Variants in ACADL observed in about 807,000 individuals in gnomAD.
The protein encoded by ACADL is long-chain specific acyl-CoA dehydrogenase, mitochondrial.
Under a neutral mutation model 56.9 loss-of-function variants are expected in ACADL, and 60 were observed. The ratio of observed to expected loss-of-function variants is 1.05; its 90% CI spans 0.86 to 1.31. ACADL has a LOEUF of 1.31. Ranked by LOEUF, ACADL falls within the 50% of genes most tolerant of loss-of-function variation. The probability of loss-of-function intolerance (pLI) is 0.00; values close to 1 mark genes in which losing one functional copy is unlikely to be tolerated. For synonymous variants in ACADL, 158 were observed against 179.7 expected, an observed-to-expected ratio of 0.88 and a Z score of 0.97; for missense variants, 484 against 525.5, an observed-to-expected ratio of 0.92 and a Z score of 0.77.
At chr2:210,202,437 G>A (rs1280061435) in intron 8 of ACADL, among the ~76,000 whole-genome samples, 1 of 152,064 alleles carries the variant, frequency 6.6e-6, no homozygotes, top group Non-Finnish European at 1.5e-5. Flanking sequence ...AACTTTTGTA[G>A]TTTTCTACCA....
intron 2 of ACADL, among the ~76,000 whole-genome samples, 192 bp from the exon 3 acceptor site, chr2:210,218,294 T>TTC (rs1174038992): frequency 7.0e-5 from 10 of 143,096 alleles, no homozygotes; most frequent in African/African-American, 2.6e-4. Context: ...GCTTTTTTTT[T>TTC]TTTTTTTTTT....
At chr2:210,214,529 G>GAAAGAAATAAAT (rs1559640017) in intron 4 of ACADL, among the ~76,000 whole-genome samples, 3 of 138,200 alleles carry the variant, frequency 2.2e-5, no homozygotes, top group Admixed American at 7.2e-5. Flanking sequence ...AAGAAAGAAA[G>GAAAGAAATAAAT]AAATCTGCTT....
intron 6 of ACADL, 24 bp from the exon 7 acceptor site, chr2:210,204,706 A>G (rs1435969541): frequency 1.3e-6 from 2 of 1,496,118 alleles, no homozygotes; most frequent in Non-Finnish European, 1.9e-6. Flanking sequence ...CAAAAAATGT[A>G]GAGAATGGTC....
At chr2:210,195,408 A>G in intron 8 of ACADL, 70 bp from the exon 9 acceptor site, 1 of 1,469,024 alleles carries the variant, frequency 6.8e-7, no homozygotes, top group East Asian at 2.3e-5. Context: ...CACTTAACAT[A>G]TCAGAAATTA....
intron 10 of ACADL, among the ~76,000 whole-genome samples, chr2:210,191,452 C>T (rs1007137568): frequency 1.3e-5 from 2 of 152,136 alleles, no homozygotes; most frequent in Non-Finnish European, 2.9e-5. Flanking sequence ...GCTTATGCCA[C>T]GCTCTAATCT....
At position 210,210,275 on chromosome 2, in the gene ACADL, GA is replaced by G. The variant is rs1688957631; in HGVS notation, c.537-14del. ...TCCCTGTAAGTCACTGTAATTGAAAGAAAAGATAAAAAATTCATCAAATGAT... is the reference window on the plus strand; with the variant it reads ...TCCCTGTAAGTCACTGTAATTGAAAGAAAGATAAAAAATTCATCAAATGAT... On this transcript the variant is annotated splice_polypyrimidine_tract_variant and intron_variant, in intron 4 of 10. Transcript: ENST00000233710. 6.3e-7 allele frequency: 1 copy of G among 1,581,098 alleles called. No homozygotes were observed. Among genetic ancestry groups the G allele is most frequent in the African/African-American group, 1.3e-5 (1 of 74,308 alleles).
chr2:210,206,310 A>G (rs1688887319), intron 5 of ACADL, among the ~76,000 whole-genome samples: 1 of 152,106 alleles, frequency 6.6e-6, no homozygotes, highest in Non-Finnish European at 1.5e-5. Flanking sequence ...ACCTATATAT[A>G]GTCCAAGCTA....
At chr2:210,217,943 C>T in intron 3 of ACADL, 22 bp downstream of exon 3, 1 of 1,613,808 alleles carries the variant, frequency 6.2e-7, no homozygotes. Flanking sequence ...CAAGACTCAA[C>T]CTTAAAAGTC....
rs1197797305 is a variant in ACADL, at chr2:210,188,857, G to GT, written c.*103dup. The GT allele has an allele frequency of 7.9e-5, 65 of 824,234 alleles. No individual in the cohort carries two copies. The highest frequency in any genetic ancestry group is 1.3e-4 in the Non-Finnish European group (62 of 468,926). 51.1% of individuals were successfully genotyped at this position (824,234 alleles called of 1,614,324 possible). On this transcript the variant is annotated 3_prime_UTR_variant, in exon 11 of 11. Coordinates refer to ENST00000233710, the MANE Select transcript of ACADL (RefSeq NM_001608.4). ...ATTTCCTTCTCTATAGAGAGAGCAG[G>GT]TAAAAACATGTTTAGTGTTTCCTCG...
In ACADL at chr2:210,220,735, T is replaced by G; in HGVS notation, c.145A>C (p.Ile49Leu). The change falls in exon 2 of 11, where the codon ATT becomes CTT. Residue 49 changes from isoleucine to leucine, a missense_variant. Coordinates refer to ENST00000233710, the MANE Select transcript of ACADL (RefSeq NM_001608.4). ...TGCTCTGGAGAAAAGATTCTTCGAATTCCTATATCTGTTAATTTTTTAGCA... is the reference window on the plus strand; with the variant it reads ...TGCTCTGGAGAAAAGATTCTTCGAAGTCCTATATCTGTTAATTTTTTAGCA... The part of the protein sequence containing the change: ...PSAKKLTDIG[I>L]RRIFSPEHDI... 6.2e-7 allele frequency: 1 copy of G among 1,612,962 alleles called. No homozygotes were observed. Among genetic ancestry groups the G allele is most frequent in the Non-Finnish European group, 8.5e-7 (1 of 1,179,432 alleles).
intron 4 of ACADL, among the ~76,000 whole-genome samples, chr2:210,211,656 G>A (rs1688981624): frequency 6.6e-6 from 1 of 152,012 alleles, no homozygotes; most frequent in African/African-American, 2.4e-5. Context: ...TCTGCCTTCT[G>A]CCATGACTGT....
chr2:210,205,444 A>G (rs1465865387), intron 6 of ACADL, among the ~76,000 whole-genome samples, 188 bp downstream of exon 6: 2 of 152,180 alleles, frequency 1.3e-5, no homozygotes, highest in African/African-American at 2.4e-5. Context: ...ATTCATTTCT[A>G]TTGCTGACCA....
chr2:210,195,123 T>C, intron 9 of ACADL, 88 bp downstream of exon 9: 1 of 1,553,630 alleles, frequency 6.4e-7, no homozygotes, highest in Non-Finnish European at 8.9e-7. Flanking sequence ...ATTTCTTCCT[T>C]TAAGACCCTC....
chr2:210,225,260 CCATGT>C lies in ACADL; in HGVS notation c.-2_3del, dbSNP rs1254385911. On this transcript the variant is annotated start_lost and 5_prime_UTR_variant, in exon 1 of 11. Transcript: ENST00000233710. Reference sequence around the variant, plus strand: ...AGGGACCCTCGGAGAAGGCGTGCGGCCATGTCCGAAACACAGGGGCGGCGGGGCGA... The same window carrying C: ...AGGGACCCTCGGAGAAGGCGTGCGGCCCGAAACACAGGGGCGGCGGGGCGA... 2 of 1,556,896 alleles carry C rather than the reference CCATGT, an allele frequency of 1.3e-6. No individual in the cohort carries two copies. The highest frequency in any genetic ancestry group is 2.4e-5 in the South Asian group (2 of 85,072).
intron 5 of ACADL, among the ~76,000 whole-genome samples, chr2:210,208,440 T>A (rs1322293005): frequency 6.6e-6 from 1 of 152,150 alleles, no homozygotes; most frequent in Non-Finnish European, 1.5e-5. Context: ...ATATGAGAAT[T>A]TTCCTTGCAA....
intron 10 of ACADL, among the ~76,000 whole-genome samples, chr2:210,191,556 GT>G (rs1462136931): frequency 6.6e-6 from 1 of 152,076 alleles, no homozygotes; most frequent in East Asian, 1.9e-4. Flanking sequence ...CATAGCTTCT[GT>G]TCTTAATGTA....
At chr2:210,221,367 A>G (rs186621651) in intron 1 of ACADL, among the ~76,000 whole-genome samples, 59 of 152,320 alleles carry the variant, frequency 3.9e-4, no homozygotes, top group African/African-American at 1.3e-3. Flanking sequence ...GAATTATTTA[A>G]GACCTACTCC....
At position 210,205,795 on chromosome 2, in the gene ACADL, A is replaced by T; in HGVS notation, c.605T>A (p.Val202Glu). The T allele has an allele frequency of 6.2e-7, 1 of 1,613,940 alleles. No homozygotes were observed. The change falls in exon 6 of 11, where the codon GTG becomes GAG. Residue 202 changes from valine to glutamate, a missense_variant and splice_region_variant. Transcript: ENST00000233710. The part of the protein sequence containing the change: ...GSDWILNGSK[V>E]FISNGSLSDV... ...ACTTAATGACCCATTACTGATGAACACCTGCAAAACCCCAAGTACATTATT... is the reference window on the plus strand; with the variant it reads ...ACTTAATGACCCATTACTGATGAACTCCTGCAAAACCCCAAGTACATTATT...
chr2:210,214,467 A>AAAAG (rs60795055), intron 4 of ACADL, among the ~76,000 whole-genome samples: 1,588 of 122,406 alleles, frequency 0.013, 54 homozygotes, highest in African/African-American at 0.042. Flanking sequence ...GACCTTCCAA[A>AAAAG]AAAGAAAGAA....
Sources: allele counts gnomAD v4.1 joint callset (sites outside exome capture counted in the v4.1 genomes callset), GRCh38; gene constraint gnomAD v4.1.1; transcripts MANE v1.5; gene names NCBI Gene and HGNC (gene_info 2026-07-23, HGNC 2026-07-21).